Variants in UCMA observed in about 807,000 individuals in gnomAD.
The protein encoded by UCMA is upper zone of growth plate and cartilage matrix-associated protein.
A neutral mutation model predicts 21.8 loss-of-function variants in UCMA; 21 were observed. The observed-to-expected ratio is 0.97, with a 90% CI of 0.68 to 1.39. The LOEUF (loss-of-function observed/expected upper bound fraction) is 1.39. Among genes scored for constraint, UCMA ranks in the 40% most tolerant of loss-of-function variants. The pLI is 0.00. For synonymous variants in UCMA, 76 were observed against 67.9 expected (o/e 1.12, Z -0.58); for missense variants, 193 against 178.9 (o/e 1.08, Z -0.45).
In UCMA at chr10:13,233,575, G is replaced by A. The variant is rs1254023032; in HGVS notation, c.183C>T (p.Arg61=). Residue 61 remains arginine, a synonymous_variant, in exon 3 of 5, where the codon CGC becomes CGT. Transcript: ENST00000378681. Reference sequence around the variant, plus strand: ...CTCTGGACTTGGGGGACCGCTTGCCGCGCCTCTTGAGGAAATTCGAGGCAT... The same window carrying A: ...CTCTGGACTTGGGGGACCGCTTGCCACGCCTCTTGAGGAAATTCGAGGCAT... ...ESDASNFLKR[R]GKRSPKSRDE... The A allele has an allele frequency of 4.3e-6, 7 of 1,613,920 alleles. No individual in the cohort carries two copies. Among genetic ancestry groups the A allele is most frequent in the African/African-American group, 4.0e-5 (3 of 74,862 alleles).
rs1427331895 is a variant in UCMA, at chr10:13,229,675, C to T, written c.255G>A (p.Leu85=). The T allele has an allele frequency of 1.2e-6, 2 of 1,613,992 alleles. No homozygotes were observed. The highest frequency in any genetic ancestry group is 1.7e-6 in the Non-Finnish European group (2 of 1,180,032). ...TTTGTTCCTCGTAATATTCTCTCCG[C>T]AGCTCATCAACCCGAAGCTTCTGCC... is the stretch of plus-strand genomic sequence containing the variant. ...ENRQKLRVDE[L]RREYYEEQRN... The change falls in exon 4 of 5, where the codon CTG becomes CTA. Residue 85 remains leucine (L), a synonymous_variant. Coordinates refer to ENST00000378681, the MANE Select transcript of UCMA (RefSeq NM_145314.3).
rs921858530 is a variant in UCMA at position 13,226,588 on chromosome 10, G to C, written c.319+3023C>G. Among the ~76,000 whole-genome samples the C allele has an allele frequency of 2.6e-5, 4 of 152,266 alleles. No homozygotes were observed. The East Asian group carries it at 7.7e-4, about 29-fold the overall frequency. On this transcript the variant is annotated intron_variant, in intron 4 of 4. Coordinates refer to ENST00000378681, the MANE Select transcript of UCMA (RefSeq NM_145314.3). ...AATGCTCCCACTTTGGCCTCCCAAA[G>C]TGCTGGGATTACACGTGTAAGCCAT...
chr10:13,233,411 T>C lies in UCMA; in HGVS notation c.220+127A>G, dbSNP rs1834924872. The stretch of plus-strand genomic sequence containing the variant: ...TCATTCAGAGCTGCAGTCCCTTTGA[T>C]ACCCTGGGGTGAGCCCTTCGTGCCC... On this transcript the variant is annotated intron_variant, in intron 3 of 4. Coordinates refer to ENST00000378681, the MANE Select transcript of UCMA (RefSeq NM_145314.3). 6 of 723,608 alleles carry C rather than the reference T, an allele frequency of 8.3e-6. No homozygotes were observed. The South Asian group carries it at 1.0e-4, about 12-fold the overall frequency. 44.8% of individuals were successfully genotyped at this position (723,608 alleles called of 1,614,324 possible).
At chr10:13,230,148 A>G (rs758466758) in intron 3 of UCMA, among the ~76,000 whole-genome samples, 1 of 152,184 alleles carries the variant, frequency 6.6e-6, no homozygotes, top group Non-Finnish European at 1.5e-5. Context: ...AATAAGAAAG[A>G]TTCCGTCCTT....
intron 4 of UCMA, among the ~76,000 whole-genome samples, chr10:13,224,757 T>C (rs1392698204): frequency 1.3e-5 from 2 of 152,198 alleles, no homozygotes; most frequent in African/African-American, 4.8e-5. Context: ...TGCTCAGGCC[T>C]AGTCTCACCT....
In UCMA at chr10:13,222,149, T is replaced by G; in HGVS notation, c.371A>C (p.Tyr124Ser). 6.2e-7 allele frequency: 1 copy of G among 1,614,168 alleles called. No individual in the cohort carries two copies. The highest frequency in any genetic ancestry group is 8.5e-7 in the Non-Finnish European group (1 of 1,180,030). ...GAGATAGGATGGGTGCAGGCCGTCA[T>G]AGTGCCACTGGCGCCACTGCTCCAC... ...EAVEQWRQWH[Y>S]DGLHPSYLYN... The change falls in exon 5 of 5, where the codon TAT becomes TCT. Residue 124 changes from tyrosine to serine, a missense_variant. By Grantham distance (144) the Tyr-to-Ser change is moderately radical (BLOSUM62 -2). Coordinates refer to ENST00000378681, the MANE Select transcript of UCMA (RefSeq NM_145314.3).
chr10:13,230,947 C>T (rs1165815269), intron 3 of UCMA, among the ~76,000 whole-genome samples: 1 of 152,060 alleles, frequency 6.6e-6, no homozygotes, highest in Admixed American at 6.6e-5. Flanking sequence ...ATTCCAGCTA[C>T]TTGGGAGGGT....
At position 13,221,869 on chromosome 10, in the gene UCMA, C is replaced by A. The variant is rs952780865; in HGVS notation, c.*234G>T. 6 of 548,852 alleles carry A rather than the reference C, an allele frequency of 1.1e-5. No individual in the cohort carries two copies. Among genetic ancestry groups the A allele is most frequent in the Admixed American group, 3.3e-5 (1 of 30,564 alleles). 34.0% of individuals were successfully genotyped at this position (548,852 alleles called of 1,614,324 possible). A position where few individuals can be genotyped will look rare whatever the true frequency, so the allele number is the denominator to read the frequency against. On this transcript the variant is annotated 3_prime_UTR_variant, in exon 5 of 5. Transcript: ENST00000378681. Reference sequence around the variant, plus strand: ...AGGGGAAGCCACTGTAGGTTTGGTACTAGGAGGCCCTGCAGGCAGTTGCTC... The same window carrying A: ...AGGGGAAGCCACTGTAGGTTTGGTAATAGGAGGCCCTGCAGGCAGTTGCTC...
rs538703580 is a variant in UCMA at position 13,224,135 on chromosome 10, G to A, written c.320-1935C>T. On this transcript the variant is annotated intron_variant, in intron 4 of 4. Transcript: ENST00000378681. Reference sequence around the variant, plus strand: ...AGCCAGGAGTTTGAGACCAGCCTGAGCAGCGTTAGCAAGACATCGTCTCTA... The same window carrying A: ...AGCCAGGAGTTTGAGACCAGCCTGAACAGCGTTAGCAAGACATCGTCTCTA... Among the ~76,000 whole-genome samples, 20 of 152,238 alleles carry A rather than the reference G, an allele frequency of 1.3e-4. 1 individual carries two copies. In the South Asian group the frequency reaches 3.9e-3, roughly 30 times the overall value.
rs188419261 is a variant in UCMA, at chr10:13,232,497, C to G, written c.220+1041G>C. Among the ~76,000 whole-genome samples, 286 of 152,192 alleles carry G rather than the reference C, an allele frequency of 1.9e-3. 1 individual carries two copies. The highest frequency in any genetic ancestry group is 6.7e-3 in the African/African-American group (278 of 41,512). On this transcript the variant is annotated intron_variant, in intron 3 of 4. Coordinates refer to ENST00000378681, the MANE Select transcript of UCMA (RefSeq NM_145314.3). ...TTTTAATCAAAAACAGTCCAGCCCC[C>G]CTCCCAACCTTTCAGTGCTTCTTGA... is the stretch of plus-strand genomic sequence containing the variant.
chr10:13,222,306 G>C, intron 4 of UCMA, 106 bp from the exon 5 acceptor site: 1 of 942,866 alleles, frequency 1.1e-6, no homozygotes, highest in Non-Finnish European at 1.6e-6. Context: ...CCTGCACTGA[G>C]AGTGTTTGTG....
intron 4 of UCMA, among the ~76,000 whole-genome samples, chr10:13,225,998 C>A (rs1417398354): frequency 6.6e-6 from 1 of 152,172 alleles, no homozygotes; most frequent in Admixed American, 6.5e-5. Context: ...ATCTTTCTCA[C>A]TCACTCCATC....
rs1238437715 is a variant in UCMA, at chr10:13,234,316, C to A, written c.-58G>T. 1.1e-5 allele frequency: 17 copies of A among 1,577,996 alleles called. No homozygotes were observed. The highest frequency in any genetic ancestry group is 6.8e-5 in the East Asian group (3 of 44,306). On this transcript the variant is annotated 5_prime_UTR_variant, in exon 1 of 5. Transcript: ENST00000378681. Reference sequence around the variant, plus strand: ...ACAAGGCAGACCAGGCGTCCTGCACCCTTTGGGTCCCCACTTCTGAGGCAG... The same window carrying A: ...ACAAGGCAGACCAGGCGTCCTGCACACTTTGGGTCCCCACTTCTGAGGCAG...
intron 4 of UCMA, among the ~76,000 whole-genome samples, chr10:13,222,684 T>C (rs1588487540): frequency 6.6e-6 from 1 of 151,846 alleles, no homozygotes; most frequent in Admixed American, 6.6e-5. Flanking sequence ...TTTTTTTTTC[T>C]TTCTTTCTTG....
intron 4 of UCMA, among the ~76,000 whole-genome samples, chr10:13,228,534 G>T (rs1251647494): frequency 6.6e-6 from 1 of 152,182 alleles, no homozygotes; most frequent in Admixed American, 6.5e-5. Flanking sequence ...AGGGTAGAAG[G>T]CAAGCTGTTT....
chr10:13,233,802 T>C lies in UCMA; in HGVS notation c.59-2A>G. On this transcript the variant is annotated splice_acceptor_variant, in intron 1 of 4. Coordinates refer to ENST00000378681, the MANE Select transcript of UCMA (RefSeq NM_145314.3). LOFTEE classifies it high-confidence loss of function. ...ATACACTGGTTCCCTCTCTCAGCAC[T>C]GCAGGACAAGGGCACAGAGTGAGGC... The C allele has an allele frequency of 6.2e-7, 1 of 1,613,736 alleles. No individual in the cohort carries two copies. The highest frequency in any genetic ancestry group is 1.1e-5 in the South Asian group (1 of 91,074).
intron 4 of UCMA, among the ~76,000 whole-genome samples, chr10:13,224,995 C>T (rs964983595): frequency 6.6e-5 from 10 of 152,174 alleles, no homozygotes; most frequent in South Asian, 2.1e-4. Context: ...GCTCAGTAGA[C>T]GAGCTACTCT....
At position 13,234,301 on chromosome 10, in the gene UCMA, C is replaced by A. The variant is rs770534897; in HGVS notation, c.-43G>T. 1.1e-5 allele frequency: 18 copies of A among 1,605,210 alleles called. No individual in the cohort carries two copies. The highest frequency in any genetic ancestry group is 1.0e-4 in the Admixed American group (6 of 58,922). On this transcript the variant is annotated 5_prime_UTR_variant, in exon 1 of 5. Transcript: ENST00000378681. ...CTCCGTCCAGGACCCACAAGGCAGACCAGGCGTCCTGCACCCTTTGGGTCC... is the reference window on the plus strand; with the variant it reads ...CTCCGTCCAGGACCCACAAGGCAGAACAGGCGTCCTGCACCCTTTGGGTCC...
intron 4 of UCMA, among the ~76,000 whole-genome samples, chr10:13,225,208 C>G (rs942415): frequency 0.1 from 15,884 of 152,056 alleles, 1,072 homozygotes; most frequent in East Asian, 0.26. Context: ...CATGCACCAC[C>G]ATGCCGGGCT....
Sources: gnomAD v4.1 joint callset for allele counts (sites outside exome capture counted in the v4.1 genomes callset) on GRCh38, gnomAD v4.1.1 for gene constraint, MANE v1.5 for transcripts, NCBI Gene and HGNC (gene_info 2026-07-23, HGNC 2026-07-21) for gene names.